The following EFCAB13 variants were observed in gnomAD, a reference collection of about 807,000 sequenced individuals.
EFCAB13 encodes the protein EF-hand calcium binding domain 13.
A neutral mutation model predicts 110.2 loss-of-function variants in EFCAB13; 91 were observed. That is an observed-to-expected ratio of 0.83 (90% CI 0.70 to 0.98). The LOEUF (loss-of-function observed/expected upper bound fraction) is 0.98, where lower values mean the gene tolerates loss of function less well. Among genes scored for constraint, EFCAB13 ranks in the 50% least tolerant of loss-of-function variants. EFCAB13 has a pLI of 0.00. For synonymous variants in EFCAB13, 323 were observed against 369.9 expected, an observed-to-expected ratio of 0.87 and a Z score of 1.45; for missense variants, 968 against 1,119.4, an observed-to-expected ratio of 0.86 and a Z score of 1.93.
intron 23 of EFCAB13, among the ~76,000 whole-genome samples, chr17:47,421,020 T>TC (rs1555588321): frequency 1.4e-5 from 2 of 142,258 alleles, no homozygotes; most frequent in Non-Finnish European, 3.1e-5. Flanking sequence ...GGGAGGGAGG[T>TC]GGGGGGGTCA....
At chr17:47,350,833 A>G (rs913307708) in intron 9 of EFCAB13, among the ~76,000 whole-genome samples, 1 of 152,154 alleles carries the variant, frequency 6.6e-6, no homozygotes, top group African/African-American at 2.4e-5. Context: ...TGTGGTGTTC[A>G]TGACCTGATG....
At position 47,440,754 on chromosome 17, in the gene EFCAB13, A is replaced by G. The variant is rs1412139859; in HGVS notation, c.*40A>G. 2.1e-6 allele frequency: 3 copies of G among 1,444,506 alleles called. No individual in the cohort carries two copies. The highest frequency in any genetic ancestry group is 2.5e-5 in the Admixed American group (1 of 39,706). 89.5% of individuals were successfully genotyped at this position (1,444,506 alleles called of 1,614,324 possible). ...TAGTGCTAGAAAATTACTAGATTAT[A>G]TATTATTCAGTATGCATATTTGACT... On this transcript the variant is annotated 3_prime_UTR_variant, in exon 25 of 25. Coordinates refer to ENST00000331493, the MANE Select transcript of EFCAB13 (RefSeq NM_152347.5).
intron 11 of EFCAB13, among the ~76,000 whole-genome samples, chr17:47,373,908 T>C (rs1432773637): frequency 6.6e-6 from 1 of 152,158 alleles, no homozygotes; most frequent in East Asian, 1.9e-4. Context: ...CTTTAAAATG[T>C]GTTATTAAAA....
At position 47,395,860 on chromosome 17, in the gene EFCAB13, G is replaced by A. The variant is rs1240773677; in HGVS notation, c.1828G>A (p.Asp610Asn). The A allele has an allele frequency of 5.0e-6, 8 of 1,607,754 alleles. No individual in the cohort carries two copies. Among genetic ancestry groups the A allele is most frequent in the Middle Eastern group, 1.7e-4 (1 of 6,056 alleles). ...LVLPDAIETL[D>N]DLRKETMSVS... Reference sequence around the variant, plus strand: ...ATTGCCTGATGCTATTGAAACCCTCGACGATCTCAGAAAGGAGACGATGAG... The same window carrying A: ...ATTGCCTGATGCTATTGAAACCCTCAACGATCTCAGAAAGGAGACGATGAG... The change falls in exon 17 of 25, where the codon GAC becomes AAC. Residue 610 changes from aspartate (D) to asparagine (N), a missense_variant. Asp to Asn is a conservative substitution (Grantham distance 23). Coordinates refer to ENST00000331493, the MANE Select transcript of EFCAB13 (RefSeq NM_152347.5).
At chr17:47,345,217 T>A in intron 8 of EFCAB13, 119 bp downstream of exon 8, 1 of 648,832 alleles carries the variant, frequency 1.5e-6, no homozygotes, top group South Asian at 2.2e-5. Context: ...CAACTGATAA[T>A]ACATGGTATG....
chr17:47,368,788 A>C (rs1354105260), intron 10 of EFCAB13, among the ~76,000 whole-genome samples: 3 of 152,218 alleles, frequency 2.0e-5, no homozygotes, highest in Admixed American at 1.3e-4. Flanking sequence ...TCTGTGGTTT[A>C]TGAAATATTA....
rs181846911 is a variant in EFCAB13, at chr17:47,343,590, C to T, written c.304-572C>T. Among the ~76,000 whole-genome samples, 17 of 152,230 alleles carry T rather than the reference C, an allele frequency of 1.1e-4. No individual in the cohort carries two copies. The East Asian group carries it at 3.1e-3, about 28-fold the overall frequency. The stretch of plus-strand genomic sequence containing the variant: ...TCCACATCTTGCATGGTCATTAAAA[C>T]TCAATGCTCAGGGTTCCATGTAAAA... On this transcript the variant is annotated intron_variant, in intron 6 of 24. Coordinates refer to ENST00000331493, the MANE Select transcript of EFCAB13 (RefSeq NM_152347.5).
chr17:47,351,345 A>G (rs908062325), intron 9 of EFCAB13, among the ~76,000 whole-genome samples: 8 of 129,450 alleles, frequency 6.2e-5, no homozygotes, highest in African/African-American at 2.6e-4. Flanking sequence ...TTCTTTATCC[A>G]GTCATCCATT....
intron 17 of EFCAB13, among the ~76,000 whole-genome samples, chr17:47,398,275 C>A (rs1217086678): frequency 7.2e-6 from 1 of 139,800 alleles, no homozygotes. Context: ...CCACCCCGCC[C>A]GGGAGGTGAG....
intron 23 of EFCAB13, among the ~76,000 whole-genome samples, chr17:47,424,078 T>C (rs1365019878): frequency 6.6e-5 from 10 of 152,104 alleles, no homozygotes; most frequent in Admixed American, 3.3e-4. Context: ...TTCATCCCTC[T>C]CACCCCGGTG....
chr17:47,402,132 A>T lies in EFCAB13; in HGVS notation c.1946A>T (p.Glu649Val). Residue 649 changes from glutamate (E) to valine (V), a missense_variant and splice_region_variant, in exon 18 of 25, where the codon GAA becomes GTA. Physicochemically the swap from Glu to Val is moderately radical, Grantham distance 121. Coordinates refer to ENST00000331493, the MANE Select transcript of EFCAB13 (RefSeq NM_152347.5). Reference protein sequence around the residue: ...LAALELVTVDEGDKVQFEEFA... With the variant: ...LAALELVTVDVGDKVQFEEFA... ...CTATTAAAAGTGTTTTTTCTCACAGAAGGTGACAAAGTACAATTTGAAGAA... is the reference window on the plus strand; with the variant it reads ...CTATTAAAAGTGTTTTTTCTCACAGTAGGTGACAAAGTACAATTTGAAGAA... The T allele has an allele frequency of 6.2e-7, 1 of 1,611,146 alleles. No individual in the cohort carries two copies. The highest frequency in any genetic ancestry group is 1.1e-5 in the South Asian group (1 of 91,074).
intron 23 of EFCAB13, among the ~76,000 whole-genome samples, chr17:47,423,175 G>A (rs1904777654): frequency 6.6e-6 from 1 of 151,856 alleles, no homozygotes; most frequent in Non-Finnish European, 1.5e-5. Flanking sequence ...AATGTGAATG[G>A]GTTTGAGAAT....
intron 15 of EFCAB13, among the ~76,000 whole-genome samples, chr17:47,392,473 G>A (rs963003661): frequency 6.6e-6 from 1 of 152,088 alleles, no homozygotes; most frequent in African/African-American, 2.4e-5. Flanking sequence ...TGGGGGTTGG[G>A]AGGAACTTGC....
intron 24 of EFCAB13, among the ~76,000 whole-genome samples, chr17:47,435,844 G>A (rs1308991736): frequency 6.6e-6 from 1 of 152,048 alleles, no homozygotes; most frequent in African/African-American, 2.4e-5. Flanking sequence ...GGTGAGAGTG[G>A]GCATCCTTGT....
chr17:47,426,137 C>T (rs1904948605), intron 23 of EFCAB13, among the ~76,000 whole-genome samples: 1 of 152,022 alleles, frequency 6.6e-6, no homozygotes, highest in Admixed American at 6.6e-5. Context: ...AAAAGGAAAC[C>T]CAAAAGGGAA....
chr17:47,364,332 C>CT (rs970283357), intron 10 of EFCAB13, among the ~76,000 whole-genome samples: 1 of 152,062 alleles, frequency 6.6e-6, no homozygotes, highest in Non-Finnish European at 1.5e-5. Context: ...ATTTCTCTCT[C>CT]TTTTTTTAAC....
chr17:47,350,827 G>T (rs1437938004), intron 9 of EFCAB13, among the ~76,000 whole-genome samples: 3 of 152,024 alleles, frequency 2.0e-5, no homozygotes, highest in Non-Finnish European at 4.4e-5. Context: ...GAAATCTGTG[G>T]TGTTCATGAC....
intron 18 of EFCAB13, 52 bp downstream of exon 18, chr17:47,402,255 TG>T: frequency 6.5e-7 from 1 of 1,539,220 alleles, no homozygotes; most frequent in East Asian, 2.3e-5. Flanking sequence ...TGAAAGGACT[TG>T]CTTTTGTTTT....
At chr17:47,345,898 C>T (rs1189143708) in intron 8 of EFCAB13, among the ~76,000 whole-genome samples, 1 of 152,110 alleles carries the variant, frequency 6.6e-6, no homozygotes, top group Non-Finnish European at 1.5e-5. Flanking sequence ...TCCAAACCTT[C>T]ACTACTCTCC....
Sources: allele counts gnomAD v4.1 joint callset (sites outside exome capture counted in the v4.1 genomes callset), GRCh38; gene constraint gnomAD v4.1.1; transcripts MANE v1.5; gene names NCBI Gene and HGNC (gene_info 2026-07-23, HGNC 2026-07-21).